Variants in GRIK3 observed in about 807,000 individuals in gnomAD.
GRIK3 encodes glutamate ionotropic receptor kainate type subunit 3, also known as glutamate receptor ionotropic, kainate 3.
A neutral mutation model predicts 102.5 loss-of-function variants in GRIK3; 29 were observed. The observed-to-expected ratio is 0.28, with a 90% confidence interval of 0.21 to 0.39. The LOEUF is 0.39. Among genes scored for constraint, GRIK3 ranks in the 10% least tolerant of loss-of-function variants. The pLI is 1.00. For missense variants in GRIK3, 908 were observed against 1,252.4 expected (o/e 0.73, Z 4.15); for synonymous variants, 511 against 504.9 (o/e 1.01, Z -0.16).
intron 2 of GRIK3, among the ~76,000 whole-genome samples, chr1:36,885,735 A>G (rs575669035): frequency 1.5e-4 from 23 of 152,260 alleles, no homozygotes; most frequent in African/African-American, 5.5e-4. Context: ...CAGCAGCAGC[A>G]GCAGCTTTTC....
At position 36,853,623 on chromosome 1, in the gene GRIK3, G is replaced by T; in HGVS notation, c.1204C>A (p.Leu402Met). Residue 402 changes from leucine to methionine, a missense_variant, in exon 8 of 16, where the codon CTG becomes ATG. Coordinates refer to ENST00000373091, the MANE Select transcript of GRIK3 (RefSeq NM_000831.4). ...CTCCTGAGACCACGCACCTTCTCCA[G>T]GCCATCCTCTTTCAGGCTGATGATG... ...LDIISLKEDG[L>M]EKVGVWSPAD... 1 of 1,609,980 alleles carries T rather than the reference G, an allele frequency of 6.2e-7. No individual in the cohort carries two copies. Among genetic ancestry groups the T allele is most frequent in the Non-Finnish European group, 8.5e-7 (1 of 1,176,146 alleles).
chr1:36,918,979 C>A (rs747504973), intron 1 of GRIK3, among the ~76,000 whole-genome samples: 1 of 152,252 alleles, frequency 6.6e-6, no homozygotes, highest in Non-Finnish European at 1.5e-5. Context: ...AGCAAACATG[C>A]TCCCTGCCTT....
At chr1:36,979,446 T>A (rs553024195) in intron 1 of GRIK3, among the ~76,000 whole-genome samples, 1 of 152,346 alleles carries the variant, frequency 6.6e-6, no homozygotes, top group South Asian at 2.1e-4. Flanking sequence ...GGTGCAGGAA[T>A]GCTCTCGATT....
chr1:36,824,861 G>A (rs1642736191), intron 11 of GRIK3, among the ~76,000 whole-genome samples: 1 of 152,176 alleles, frequency 6.6e-6, no homozygotes, highest in Admixed American at 6.5e-5. Context: ...CCTATTGCTT[G>A]TATGACCTTG....
chr1:36,977,603 G>A (rs1212294741), intron 1 of GRIK3, among the ~76,000 whole-genome samples: 1 of 152,238 alleles, frequency 6.6e-6, no homozygotes, highest in African/African-American at 2.4e-5. Context: ...AGCTCTGAAG[G>A]TGGTCTTAGG....
chr1:36,829,006 G>T (rs563416164), intron 10 of GRIK3, among the ~76,000 whole-genome samples: 3 of 152,164 alleles, frequency 2.0e-5, no homozygotes, highest in Admixed American at 6.5e-5. Context: ...GGAGACCAAG[G>T]CATCCGCAGC....
At chr1:36,931,469 ACAC>A (rs1218589160) in intron 1 of GRIK3, among the ~76,000 whole-genome samples, 1 of 152,102 alleles carries the variant, frequency 6.6e-6, no homozygotes, top group Non-Finnish European at 1.5e-5. Flanking sequence ...CTCATCCTTA[ACAC>A]ATTTTGTAAT....
intron 1 of GRIK3, among the ~76,000 whole-genome samples, chr1:36,982,040 G>A (rs761503983): frequency 6.6e-6 from 1 of 152,156 alleles, no homozygotes. Flanking sequence ...ACCCAGCGCT[G>A]CTCCCAGTTC....
chr1:36,898,148 G>A (rs570548950), intron 1 of GRIK3, among the ~76,000 whole-genome samples: 2 of 152,136 alleles, frequency 1.3e-5, no homozygotes, highest in East Asian at 3.9e-4. Flanking sequence ...AGGCTGGGTG[G>A]GGGGAGGTGG....
chr1:36,985,548 C>T (rs1412406907), intron 1 of GRIK3, among the ~76,000 whole-genome samples: 2 of 152,136 alleles, frequency 1.3e-5, no homozygotes, highest in Non-Finnish European at 2.9e-5. Context: ...AGGTCCTTGT[C>T]CTGCTGGGCA....
At chr1:36,897,720 G>A (rs975227205) in intron 1 of GRIK3, among the ~76,000 whole-genome samples, 1 of 152,158 alleles carries the variant, frequency 6.6e-6, no homozygotes, top group African/African-American at 2.4e-5. Flanking sequence ...AACCACCTTG[G>A]AGAACAGTTT....
rs200418971 is a variant in GRIK3 at position 36,825,730 on chromosome 1, G to A, written c.1627C>T (p.Leu543=). The A allele has an allele frequency of 4.3e-6, 7 of 1,614,046 alleles. No individual in the cohort carries two copies. The African/African-American group carries it at 5.3e-5, about 12-fold the overall frequency. The change falls in exon 11 of 16, where the codon CTG becomes TTG. Residue 543 remains leucine (L), a synonymous_variant. Transcript: ENST00000373091. Reference sequence around the variant, plus strand: ...TTGGTGCCATTGGGCTTTCGATACAGGATGCTCACACCAAGTGTCATGAAG... The same window carrying A: ...TTGGTGCCATTGGGCTTTCGATACAAGATGCTCACACCAAGTGTCATGAAG... ...KPFMTLGVSI[L]YRKPNGTNPS...
chr1:36,897,680 T>C (rs1641187877), intron 1 of GRIK3, among the ~76,000 whole-genome samples: 1 of 152,174 alleles, frequency 6.6e-6, no homozygotes, highest in Non-Finnish European at 1.5e-5. Context: ...GGAACCCTCA[T>C]ACCATGTTGG....
chr1:36,851,216 G>C (rs1640581062), intron 8 of GRIK3, among the ~76,000 whole-genome samples: 1 of 152,226 alleles, frequency 6.6e-6, no homozygotes, highest in Middle Eastern at 3.2e-3. Flanking sequence ...CCCATTAAGA[G>C]AGCTGCGCAG....
chr1:36,922,943 T>G (rs1252836474), intron 1 of GRIK3, among the ~76,000 whole-genome samples: 1 of 152,138 alleles, frequency 6.6e-6, no homozygotes, highest in African/African-American at 2.4e-5. Flanking sequence ...GGAGGCTGTA[T>G]TGCAGGGTTG....
chr1:36,844,413 G>A (rs985103627), intron 9 of GRIK3, among the ~76,000 whole-genome samples: 6 of 152,254 alleles, frequency 3.9e-5, no homozygotes, highest in African/African-American at 1.2e-4. Flanking sequence ...TCCATGCACT[G>A]CCTTCATGCA....
At chr1:36,865,674 C>T (rs1280678107) in intron 5 of GRIK3, among the ~76,000 whole-genome samples, 1 of 152,198 alleles carries the variant, frequency 6.6e-6, no homozygotes, top group Non-Finnish European at 1.5e-5. Flanking sequence ...TTCTTCCCGA[C>T]CCTCAGATTG....
At chr1:36,939,085 T>C (rs1343393058) in intron 1 of GRIK3, among the ~76,000 whole-genome samples, 4 of 152,002 alleles carry the variant, frequency 2.6e-5, no homozygotes, top group Non-Finnish European at 5.9e-5. Flanking sequence ...GCTGTATGAG[T>C]CAGTAAATAT....
At chr1:37,028,482 T>C (rs1642787961) in intron 1 of GRIK3, among the ~76,000 whole-genome samples, 1 of 152,104 alleles carries the variant, frequency 6.6e-6, no homozygotes, top group African/African-American at 2.4e-5. Context: ...ACCTGGGCCC[T>C]GGAGGAGGCA....
Sources: allele counts gnomAD v4.1 joint callset (sites outside exome capture counted in the v4.1 genomes callset), GRCh38; gene constraint gnomAD v4.1.1; transcripts MANE v1.5; gene names NCBI Gene and HGNC (gene_info 2026-07-23, HGNC 2026-07-21).